RNPEP: variants seen among roughly 807,000 people sequenced by gnomAD.
RNPEP encodes the protein arginyl aminopeptidase.
Under a neutral mutation model 70.1 loss-of-function variants are expected in RNPEP, and 57 were observed. The ratio of observed to expected loss-of-function variants is 0.81; its 90% confidence interval spans 0.66 to 1.01. RNPEP has a LOEUF of 1.01. Among genes scored for constraint, RNPEP ranks in the 50% least tolerant of loss-of-function variants. The probability of loss-of-function intolerance (pLI) is 0.00; values close to 1 mark genes in which losing one functional copy is unlikely to be tolerated. For synonymous variants in RNPEP, 335 were observed against 357.4 expected (o/e 0.94, Z 0.71); for missense variants, 787 against 852.4 (o/e 0.92, Z 0.96).
chr1:201,983,750 G>C, intron 1 of RNPEP: 1 of 1,111,536 alleles, frequency 9.0e-7, no homozygotes, highest in East Asian at 7.8e-5. Flanking sequence ...CTCACTGTTG[G>C]TTAACTCTTT....
At chr1:201,990,459 A>G (rs1490914915) in intron 3 of RNPEP, among the ~76,000 whole-genome samples, 6 of 152,008 alleles carry the variant, frequency 3.9e-5, no homozygotes, top group Non-Finnish European at 8.8e-5. Flanking sequence ...CCTGGCTCTC[A>G]TATTACCTCC....
intron 5 of RNPEP, among the ~76,000 whole-genome samples, chr1:201,998,230 C>CTTTTTT (rs34549362): frequency 2.6e-5 from 3 of 116,680 alleles, no homozygotes; most frequent in Admixed American, 9.5e-5. Flanking sequence ...TGGGTCTGAA[C>CTTTTTT]TTTTTTTTTT....
In RNPEP at chr1:201,988,600, C is replaced by G. The variant is rs558414709; in HGVS notation, c.448-304C>G. Among the ~76,000 whole-genome samples the G allele has an allele frequency of 1.6e-4, 24 of 152,016 alleles. 1 individual carries two copies. Among genetic ancestry groups the G allele is most frequent in the African/African-American group, 5.8e-4 (24 of 41,466 alleles). ...AGAAACTACTACAGTGAAAAGGACACAGATAGGGTACAGATGACAAGATCA... is the reference window on the plus strand; with the variant it reads ...AGAAACTACTACAGTGAAAAGGACAGAGATAGGGTACAGATGACAAGATCA... On this transcript the variant is annotated intron_variant, in intron 1 of 10. Transcript: ENST00000295640.
In RNPEP at chr1:201,983,105, G is replaced by T; in HGVS notation, c.439G>T (p.Gly147Ter). 1 of 1,488,208 alleles carries T rather than the reference G, an allele frequency of 6.7e-7. No homozygotes were observed. The allele number at this position is 1,488,208 out of a possible 1,614,324, so 92.2% of individuals were successfully genotyped here. A position where few individuals can be genotyped will look rare whatever the true frequency, so the allele number is the denominator to read the frequency against. Residue 147 changes from glycine to a stop codon, truncating the protein, a stop_gained, in exon 1 of 11, where the codon GGA becomes TGA. Coordinates refer to ENST00000295640, the MANE Select transcript of RNPEP (RefSeq NM_020216.4). LOFTEE classifies it high-confidence loss of function. ...GCTGCTCACCTACCGCGTCGGGGAG[G>T]GACCCGGGGTGAGTGCGCCCCAGAC... is the stretch of plus-strand genomic sequence containing the variant. ...QVLLTYRVGE[G>*]PGVCWLAPEQ...
chr1:201,990,344 C>T (rs1047505754), intron 3 of RNPEP, among the ~76,000 whole-genome samples: 48 of 152,174 alleles, frequency 3.2e-4, no homozygotes, highest in Admixed American at 1.7e-3. Context: ...TCTAAGCCTA[C>T]GGTGAGAGCA....
At chr1:202,004,241 T>G (rs184464878) in intron 9 of RNPEP, 113 bp from the exon 10 acceptor site, 701 of 1,151,226 alleles carry the variant, frequency 6.1e-4, no homozygotes, top group Admixed American at 5.6e-3. Context: ...TTGGCCAGGC[T>G]GGTCTCACAT....
chr1:201,997,665 C>G, intron 5 of RNPEP, 111 bp downstream of exon 5: 1 of 731,474 alleles, frequency 1.4e-6, no homozygotes, highest in East Asian at 2.7e-5. Flanking sequence ...AGAGACGAGG[C>G]AGTAGTGTGT....
At chr1:201,983,843 T>A in intron 1 of RNPEP, 1 of 1,031,990 alleles carries the variant, frequency 9.7e-7, no homozygotes, top group Non-Finnish European at 1.2e-6. Context: ...AGAAAATCCT[T>A]CCTGGAGAGT....
At chr1:201,984,846 T>TTG (rs1683078178) in intron 1 of RNPEP, among the ~76,000 whole-genome samples, 2 of 129,146 alleles carry the variant, frequency 1.5e-5, no homozygotes, top group African/African-American at 5.9e-5. Flanking sequence ...TTTTTTTTTT[T>TTG]TTTTTTTTTT....
chr1:201,988,844 C>G (rs1683223372), intron 1 of RNPEP, 60 bp from the exon 2 acceptor site: 6 of 1,544,536 alleles, frequency 3.9e-6, no homozygotes, highest in Non-Finnish European at 5.2e-6. Flanking sequence ...GCTCACTTCT[C>G]TGGCCAGACT....
At position 202,001,407 on chromosome 1, in the gene RNPEP, C is replaced by T; in HGVS notation, c.1236C>T (p.Thr412=). 6.2e-7 allele frequency: 1 copy of T among 1,613,898 alleles called. No individual in the cohort carries two copies. ...GVDPDDTYNE[T]PYEKGFCFVS... is the part of the protein sequence containing the mutation. ...ACCCGGACGACACCTATAATGAGAC[C>T]CCCTACGAGAAAGGTTTCTGCTTTG... The change falls in exon 7 of 11, where the codon ACC becomes ACT. Residue 412 remains threonine, a synonymous_variant. Transcript: ENST00000295640.
At chr1:201,998,906 C>G (rs1683672240) in intron 5 of RNPEP, among the ~76,000 whole-genome samples, 1 of 152,128 alleles carries the variant, frequency 6.6e-6, no homozygotes, top group African/African-American at 2.4e-5. Flanking sequence ...TTTTGTCTGA[C>G]AGAAACAGTT....
intron 3 of RNPEP, 76 bp from the exon 4 acceptor site, chr1:201,996,071 T>C (rs930891744): frequency 3.3e-6 from 4 of 1,215,936 alleles, no homozygotes; most frequent in Admixed American, 3.9e-5. Context: ...GCCAATTTCC[T>C]ACAGGTGCTT....
At chr1:201,983,413 T>G in intron 1 of RNPEP, 4 of 1,477,442 alleles carry the variant, frequency 2.7e-6, no homozygotes, top group East Asian at 2.9e-5. Context: ...TTGCGCCGCA[T>G]TCCCGCTCAT....
intron 3 of RNPEP, among the ~76,000 whole-genome samples, chr1:201,991,458 T>C (rs972782058): frequency 1.3e-5 from 2 of 152,202 alleles, no homozygotes; most frequent in Non-Finnish European, 2.9e-5. Context: ...GTATGCCACC[T>C]ATCCCAGTCC....
intron 7 of RNPEP, 50 bp downstream of exon 7, chr1:202,001,538 C>T: frequency 2.0e-6 from 3 of 1,494,228 alleles, no homozygotes; most frequent in Non-Finnish European, 1.9e-6. Context: ...AGCCACTGGG[C>T]CTGATCAAGG....
At chr1:201,998,907 A>G (rs532584059) in intron 5 of RNPEP, among the ~76,000 whole-genome samples, 1 of 152,336 alleles carries the variant, frequency 6.6e-6, no homozygotes, top group East Asian at 1.9e-4. Context: ...TTTGTCTGAC[A>G]GAAACAGTTA....
chr1:201,988,959 C>G lies in RNPEP; in HGVS notation c.503C>G (p.Thr168Ser). ...GGAAAGAAGAAGCCCTTCGTGTACA[C>G]CCAGGGCCAGGCTGTCCTAAACCGG... ...TAGKKKPFVY[T>S]QGQAVLNRAF... is the part of the protein sequence containing the mutation. Residue 168 changes from threonine (T) to serine (S), a missense_variant, in exon 2 of 11, where the codon ACC becomes AGC. By Grantham distance (58) the Thr-to-Ser change is moderately conservative. Coordinates refer to ENST00000295640, the MANE Select transcript of RNPEP (RefSeq NM_020216.4). 2 of 1,614,068 alleles carry G rather than the reference C, an allele frequency of 1.2e-6. No homozygotes were observed. Among genetic ancestry groups the G allele is most frequent in the Non-Finnish European group, 1.7e-6 (2 of 1,179,990 alleles).
At chr1:201,983,955 C>T in intron 1 of RNPEP, 2 of 836,038 alleles carry the variant, frequency 2.4e-6, no homozygotes, top group South Asian at 1.1e-4. Flanking sequence ...TTATTTGAGG[C>T]AGAGTCTCAC....
Sources: gnomAD v4.1 joint callset for allele counts (sites outside exome capture counted in the v4.1 genomes callset) on GRCh38, gnomAD v4.1.1 for gene constraint, MANE v1.5 for transcripts, NCBI Gene and HGNC (gene_info 2026-07-23, HGNC 2026-07-21) for gene names.